SGSM3: variants seen among roughly 807,000 people sequenced by gnomAD.
The protein encoded by SGSM3 is RUN and SH3 containing 3.
Under a neutral mutation model 100.5 loss-of-function variants are expected in SGSM3, and 96 were observed. The observed-to-expected ratio is 0.96, with a 90% confidence interval of 0.81 to 1.13. The LOEUF is 1.13. Among genes scored for constraint, SGSM3 ranks in the 50% most tolerant of loss-of-function variants. SGSM3 has a pLI of 0.00. For synonymous variants in SGSM3, 483 were observed against 422.8 expected, an observed-to-expected ratio of 1.14 and a Z score of -1.75; for missense variants, 1,001 against 1,015.8, an observed-to-expected ratio of 0.99 and a Z score of 0.20.
intron 1 of SGSM3, among the ~76,000 whole-genome samples, chr22:40,376,775 A>G (rs754547776): frequency 6.6e-6 from 1 of 152,100 alleles, no homozygotes; most frequent in Non-Finnish European, 1.5e-5. Context: ...CCACCTTCAT[A>G]GTTTTTTGTT....
In SGSM3 at chr22:40,407,272, G is replaced by A; in HGVS notation, c.1312G>A (p.Ala438Thr). 6.2e-7 allele frequency: 1 copy of A among 1,613,602 alleles called. No homozygotes were observed. The highest frequency in any genetic ancestry group is 8.5e-7 in the Non-Finnish European group (1 of 1,180,034). The change falls in exon 12 of 22, where the codon GCC becomes ACC. Residue 438 changes from alanine to threonine, a missense_variant. Ala to Thr is a moderately conservative substitution (Grantham distance 58). Transcript: ENST00000248929. This position sits in a 1 kb window ranked among gnomAD's most constrained non-coding sequence, Gnocchi z 4.7. The part of the protein sequence containing the change: ...QTELVADLRE[A>T]ILRVARHFQC... Reference sequence around the variant, plus strand: ...GGAACTGGTGGCTGACCTCCGGGAAGCCATCCTGCGCGTGGCACGCCACTT... The same window carrying A: ...GGAACTGGTGGCTGACCTCCGGGAAACCATCCTGCGCGTGGCACGCCACTT...
Position 40,407,090 on chromosome 22 carries a change from C to T in SGSM3, c.1240+19C>T, listed in dbSNP as rs1393521144. Reference sequence around the variant, plus strand: ...CTCTTCGGTGAGAGCTCTGCGAGTGCCAGGCAGTGTGGGCATGCGGGAGTC... The same window carrying T: ...CTCTTCGGTGAGAGCTCTGCGAGTGTCAGGCAGTGTGGGCATGCGGGAGTC... On this transcript the variant is annotated intron_variant, in intron 11 of 21. Coordinates refer to ENST00000248929, the MANE Select transcript of SGSM3 (RefSeq NM_015705.6). This position sits in a 1 kb window ranked among gnomAD's most constrained non-coding sequence, Gnocchi z 4.7. 2 of 1,602,556 alleles carry T rather than the reference C, an allele frequency of 1.2e-6. No homozygotes were observed. The highest frequency in any genetic ancestry group is 2.3e-5 in the East Asian group (1 of 44,406).
At chr22:40,378,843 C>T (rs958989106) in intron 1 of SGSM3, among the ~76,000 whole-genome samples, 3 of 152,212 alleles carry the variant, frequency 2.0e-5, no homozygotes, top group Non-Finnish European at 4.4e-5. Flanking sequence ...AATCTGCAGA[C>T]TCCGAGACCT....
In SGSM3 at chr22:40,406,541, T is replaced by C. The variant is rs760004333; in HGVS notation, c.1064T>C (p.Met355Thr). 1 of 1,612,870 alleles carries C rather than the reference T, an allele frequency of 6.2e-7. No individual in the cohort carries two copies. Among genetic ancestry groups the C allele is most frequent in the Non-Finnish European group, 8.5e-7 (1 of 1,179,914 alleles). The change falls in exon 10 of 22, where the codon ATG (methionine) becomes ACG (threonine). Residue 355 changes from methionine to threonine, a missense_variant. By Grantham distance (81) the Met-to-Thr change is moderately conservative (BLOSUM62 -1). Coordinates refer to ENST00000248929, the MANE Select transcript of SGSM3 (RefSeq NM_015705.6). ...GCGGAGCTGCTTCTGGGGGTGGCCA[T>C]GCGGCTGGCCGGCTCCCTCACCGAT... ...EDAELLLGVAMRLAGSLTDVA... is the reference protein window; with the variant it reads ...EDAELLLGVATRLAGSLTDVA...
In SGSM3 at chr22:40,407,847, G is replaced by C; in HGVS notation, c.1579+4G>C. On this transcript the variant is annotated splice_donor_region_variant and intron_variant, in intron 14 of 21. Coordinates refer to ENST00000248929, the MANE Select transcript of SGSM3 (RefSeq NM_015705.6). This position sits in a 1 kb window ranked among gnomAD's most constrained non-coding sequence, Gnocchi z 4.7. ...GGGGAGCTCAACGGCCTGCGAGGTG[G>C]GGTCCTTGGTCTGCTCTTGAGCTGG... 1 of 1,610,872 alleles carries C rather than the reference G, an allele frequency of 6.2e-7. No homozygotes were observed. Among genetic ancestry groups the C allele is most frequent in the Non-Finnish European group, 8.5e-7 (1 of 1,178,536 alleles).
chr22:40,395,680 A>G (rs1255521668), intron 1 of SGSM3, among the ~76,000 whole-genome samples: 1 of 151,134 alleles, frequency 6.6e-6, no homozygotes, highest in East Asian at 1.9e-4. Flanking sequence ...TTTTGTTCCC[A>G]TTTCTCTCAT....
At chr22:40,371,142 G>A (rs1056096090) in intron 1 of SGSM3, among the ~76,000 whole-genome samples, 1 of 152,246 alleles carries the variant, frequency 6.6e-6, no homozygotes, top group Non-Finnish European at 1.5e-5. Flanking sequence ...TGCAGAACCC[G>A]GGCTCGGATC....
intron 1 of SGSM3, among the ~76,000 whole-genome samples, chr22:40,386,817 C>G (rs924722896): frequency 2.0e-5 from 3 of 151,850 alleles, no homozygotes; most frequent in Non-Finnish European, 4.4e-5. Flanking sequence ...TGCCCTGCAC[C>G]CCAGTACTAA....
chr22:40,371,019 C>T (rs1234477116), intron 1 of SGSM3, among the ~76,000 whole-genome samples: 1 of 152,214 alleles, frequency 6.6e-6, no homozygotes, highest in African/African-American at 2.4e-5. Context: ...ACGAAAACCG[C>T]GCCTGAGGCG....
At chr22:40,375,949 G>A (rs2046479990) in intron 1 of SGSM3, among the ~76,000 whole-genome samples, 1 of 151,766 alleles carries the variant, frequency 6.6e-6, no homozygotes, top group East Asian at 1.9e-4. Flanking sequence ...GCTGAGGCAA[G>A]AGGATCACTT....
Position 40,407,356 on chromosome 22 carries a change from C to T in SGSM3, c.1368+28C>T, listed in dbSNP as rs200408108. The T allele has an allele frequency of 8.4e-5, 136 of 1,612,956 alleles. No homozygotes were observed. Among genetic ancestry groups the T allele is most frequent in the Non-Finnish European group, 1.1e-4 (129 of 1,179,702 alleles). Reference sequence around the variant, plus strand: ...GAGTCGCCAGCTCCCTGGGCTGCTACCAAACACGGCCCTAACTCCTCCAAC... The same window carrying T: ...GAGTCGCCAGCTCCCTGGGCTGCTATCAAACACGGCCCTAACTCCTCCAAC... On this transcript the variant is annotated intron_variant, in intron 12 of 21. Transcript: ENST00000248929. The surrounding 1 kb of genome is among the most constrained non-coding windows in gnomAD (Gnocchi z 4.7).
chr22:40,381,751 T>G (rs1463223103), intron 1 of SGSM3, among the ~76,000 whole-genome samples: 1 of 152,092 alleles, frequency 6.6e-6, no homozygotes, highest in African/African-American at 2.4e-5. Flanking sequence ...GGCCAAGAGT[T>G]CAAGACTGGC....
At chr22:40,402,276 A>C in intron 4 of SGSM3, 71 bp downstream of exon 4, 1 of 1,189,660 alleles carries the variant, frequency 8.4e-7, no homozygotes, top group Non-Finnish European at 1.3e-6. Context: ...CCTTGACTGA[A>C]TTACTCGGCC....
chr22:40,402,080 A>G, intron 3 of SGSM3, 59 bp from the exon 4 acceptor site: 1 of 1,331,560 alleles, frequency 7.5e-7, no homozygotes, highest in Non-Finnish European at 1.1e-6. Flanking sequence ...GGCATCTTTC[A>G]GACCTGAGGC....
At position 40,410,022 on chromosome 22, in the gene SGSM3, T is replaced by TG. The variant is rs2052388560; in HGVS notation, c.*264dup. The stretch of plus-strand genomic sequence containing the variant: ...TGAGGAGGTGGGGGAGCCATGTCTG[T>TG]GCTCAGGAAGAGGGAAGGGGATGGG... On this transcript the variant is annotated 3_prime_UTR_variant, in exon 22 of 22. Transcript: ENST00000248929. 1.5e-6 allele frequency: 2 copies of TG among 1,324,240 alleles called. No individual in the cohort carries two copies. The highest frequency in any genetic ancestry group is 7.7e-5 in the Admixed American group (2 of 26,044). 82.0% of individuals were successfully genotyped at this position (1,324,240 alleles called of 1,614,324 possible).
At chr22:40,381,988 A>G (rs1418902704) in intron 1 of SGSM3, among the ~76,000 whole-genome samples, 1 of 152,068 alleles carries the variant, frequency 6.6e-6, no homozygotes, top group Non-Finnish European at 1.5e-5. Context: ...TATATTACAG[A>G]TTTGTCTTTC....
intron 3 of SGSM3, 124 bp from the exon 4 acceptor site, chr22:40,402,015 G>A: frequency 1.4e-6 from 1 of 723,374 alleles, no homozygotes; most frequent in Non-Finnish European, 2.4e-6. Flanking sequence ...TGGAAGAGTA[G>A]CCTTTGATCT....
chr22:40,391,107 A>G (rs2049295490), intron 1 of SGSM3, among the ~76,000 whole-genome samples: 1 of 152,240 alleles, frequency 6.6e-6, no homozygotes, highest in Non-Finnish European at 1.5e-5. Flanking sequence ...CATCTGAGCT[A>G]GAATTTGAAA....
At chr22:40,405,972 GC>G in intron 8 of SGSM3, 105 bp from the exon 9 acceptor site, 1 of 1,502,984 alleles carries the variant, frequency 6.7e-7, no homozygotes, top group South Asian at 1.2e-5. Flanking sequence ...GGTGTTCCCT[GC>G]CCCCTCCCCT....
Sources: gnomAD v4.1 joint callset for allele counts (sites outside exome capture counted in the v4.1 genomes callset) on GRCh38, gnomAD v4.1.1 for gene constraint, Gnocchi (gnomAD v3.1) non-coding constraint, MANE v1.5 for transcripts, NCBI Gene and HGNC (gene_info 2026-07-23, HGNC 2026-07-21) for gene names.